PCDHA4: variants seen among roughly 807,000 people sequenced by gnomAD.
The protein encoded by PCDHA4 is protocadherin alpha-4.
In PCDHA4, 49 loss-of-function variants were observed where a neutral mutation model predicts 61.4. The observed-to-expected ratio is 0.80, with a 90% confidence interval of 0.63 to 1.01. PCDHA4 has a LOEUF of 1.01. Among genes scored for constraint, PCDHA4 ranks in the 50% least tolerant of loss-of-function variants. The probability of loss-of-function intolerance (pLI) is 0.00; values close to 1 mark genes in which losing one functional copy is unlikely to be tolerated. For synonymous variants in PCDHA4, 590 were observed against 550.3 expected (o/e 1.07, Z -1.01); for missense variants, 1,254 against 1,235.8 (o/e 1.01, Z -0.22).
intron 1 of PCDHA4, chr5:140,876,785 C>T (rs1554168921): frequency 3.1e-6 from 5 of 1,614,206 alleles, no homozygotes; most frequent in Admixed American, 1.7e-5. Flanking sequence ...CTGTGGGCCA[C>T]GGCTAGAGTG....
At chr5:140,883,397 C>T in intron 1 of PCDHA4, 2 of 1,614,170 alleles carry the variant, frequency 1.2e-6, no homozygotes, top group Non-Finnish European at 1.7e-6. Flanking sequence ...TGTGTCCGAT[C>T]GTGACTCTGG....
chr5:140,938,268 T>C (rs2091998417), intron 1 of PCDHA4, among the ~76,000 whole-genome samples: 1 of 152,190 alleles, frequency 6.6e-6, no homozygotes, highest in Non-Finnish European at 1.5e-5. Context: ...TCTAATCACA[T>C]AGTTTTCTTG....
intron 1 of PCDHA4, among the ~76,000 whole-genome samples, chr5:140,900,565 C>T (rs368765128): frequency 1.2e-4 from 19 of 152,248 alleles, no homozygotes; most frequent in South Asian, 1.2e-3. Context: ...GCGTGAGCCA[C>T]GGCACCGGCC....
intron 1 of PCDHA4, among the ~76,000 whole-genome samples, chr5:140,846,792 C>A (rs1780678433): frequency 6.7e-6 from 1 of 149,422 alleles, no homozygotes. Context: ...TACTGAGCCC[C>A]AGCCCCTGGC....
intron 1 of PCDHA4, among the ~76,000 whole-genome samples, chr5:140,845,336 T>C (rs2150378543): frequency 6.7e-6 from 1 of 149,694 alleles, no homozygotes; most frequent in Non-Finnish European, 1.5e-5. Context: ...TACTGAATTC[T>C]CCTAAACATT....
rs149296153 is a variant in PCDHA4, at chr5:140,837,442, G to A, written c.2385+27870G>A. Among the ~76,000 whole-genome samples the A allele has an allele frequency of 1.9e-4, 29 of 151,938 alleles. No individual in the cohort carries two copies. The East Asian group carries it at 5.2e-3, about 27-fold the overall frequency. Reference sequence around the variant, plus strand: ...AATTTCAAAGAGTGAAATCTAGTACGTAGTAAAAAATCTCCTTGCCTCCTC... The same window carrying A: ...AATTTCAAAGAGTGAAATCTAGTACATAGTAAAAAATCTCCTTGCCTCCTC... On this transcript the variant is annotated intron_variant, in intron 1 of 3. Coordinates refer to ENST00000530339, the MANE Select transcript of PCDHA4 (RefSeq NM_018907.4).
intron 1 of PCDHA4, among the ~76,000 whole-genome samples, chr5:140,886,431 ATTTG>A (rs1272820447): frequency 6.6e-6 from 1 of 152,012 alleles, no homozygotes; most frequent in East Asian, 1.9e-4. Context: ...ATTTCTATTC[ATTTG>A]TTTGTACTAA....
intron 1 of PCDHA4, chr5:140,929,480 G>T: frequency 8.4e-7 from 1 of 1,195,420 alleles, no homozygotes; most frequent in Non-Finnish European, 1.1e-6. Flanking sequence ...TGGAAGTATA[G>T]AAGTATTAGA....
At chr5:140,902,473 T>A (rs2069483138) in intron 1 of PCDHA4, among the ~76,000 whole-genome samples, 1 of 152,208 alleles carries the variant, frequency 6.6e-6, no homozygotes, top group African/African-American at 2.4e-5. Context: ...CTTTGAGTTT[T>A]TGCCTGCTCA....
chr5:140,858,263 T>C lies in PCDHA4; in HGVS notation c.2385+48691T>C, dbSNP rs781901851. ...TGGGCCGGTGAAGCCCACGCTGGTGTGCTCTAGCGCGGTGGGGAGCTGGTC... is the reference window on the plus strand; with the variant it reads ...TGGGCCGGTGAAGCCCACGCTGGTGCGCTCTAGCGCGGTGGGGAGCTGGTC... On this transcript the variant is annotated intron_variant, in intron 1 of 3. Transcript: ENST00000530339. 2.5e-6 allele frequency: 4 copies of C among 1,596,360 alleles called. No homozygotes were observed. The African/African-American group carries it at 4.0e-5, about 16-fold the overall frequency.
At chr5:140,822,742 GA>G in intron 1 of PCDHA4, 1 of 1,613,740 alleles carries the variant, frequency 6.2e-7, no homozygotes, top group African/African-American at 1.3e-5. Flanking sequence ...TGATGCCATG[GA>G]TAAAAGTACA....
intron 1 of PCDHA4, among the ~76,000 whole-genome samples, chr5:140,843,972 G>T (rs1779162813): frequency 6.7e-6 from 1 of 149,122 alleles, no homozygotes; most frequent in Non-Finnish European, 1.5e-5. Flanking sequence ...ATTTATTTTG[G>T]CCTGCCTTAC....
chr5:140,856,728 T>A (rs782022822), intron 1 of PCDHA4: 1 of 1,595,848 alleles, frequency 6.3e-7, no homozygotes, highest in Middle Eastern at 1.7e-4. Flanking sequence ...TCTGTTTCTC[T>A]GCTGATCCTG....
chr5:140,900,416 T>G (rs1303205296), intron 1 of PCDHA4, among the ~76,000 whole-genome samples: 8 of 152,220 alleles, frequency 5.3e-5, no homozygotes, highest in Admixed American at 5.2e-4. Flanking sequence ...TAGCTGGGAT[T>G]ATAGGCACGT....
intron 1 of PCDHA4, among the ~76,000 whole-genome samples, chr5:140,905,695 C>T (rs1350689939): frequency 6.6e-6 from 1 of 152,134 alleles, no homozygotes; most frequent in African/African-American, 2.4e-5. Context: ...TTGTTTGTGT[C>T]ATTTATGATT....
chr5:140,865,755 A>C (rs1390578535), intron 1 of PCDHA4: 1 of 152,226 alleles, frequency 6.6e-6, no homozygotes, highest in Non-Finnish European at 1.5e-5. Flanking sequence ...GTGCCAGTAC[A>C]TGGTGGAGAT....
At chr5:140,866,161 G>A (rs782713244) in intron 1 of PCDHA4, 17 of 152,170 alleles carry the variant, frequency 1.1e-4, no homozygotes, top group East Asian at 1.9e-4. Context: ...AGTAAGAATC[G>A]TTTAACATGT....
chr5:140,885,819 A>G (rs1488283542), intron 1 of PCDHA4, among the ~76,000 whole-genome samples: 1 of 152,032 alleles, frequency 6.6e-6, no homozygotes, highest in Non-Finnish European at 1.5e-5. Flanking sequence ...TTTGTATTTG[A>G]TCTTCTTTGA....
At chr5:140,898,782 G>A (rs1170822216) in intron 1 of PCDHA4, among the ~76,000 whole-genome samples, 5 of 152,306 alleles carry the variant, frequency 3.3e-5, no homozygotes, top group Middle Eastern at 3.4e-3. Context: ...ACCTTGGGCA[G>A]TATGGCCATT....
Sources: allele counts gnomAD v4.1 joint callset (sites outside exome capture counted in the v4.1 genomes callset), GRCh38; gene constraint gnomAD v4.1.1; transcripts MANE v1.5; gene names NCBI Gene and HGNC (gene_info 2026-07-23, HGNC 2026-07-21).